ZDHHC14: variants seen among roughly 807,000 people sequenced by gnomAD.
ZDHHC14 encodes the protein palmitoyltransferase ZDHHC14.
ZDHHC14 carries 16 observed loss-of-function variants against 47.7 expected under a neutral mutation model. The observed-to-expected ratio is 0.34, with a 90% CI of 0.23 to 0.51. The LOEUF (loss-of-function observed/expected upper bound fraction) is 0.51, where lower values mean the gene tolerates loss of function less well. ZDHHC14 is among the 20% of genes least tolerant of loss of function. ZDHHC14 has a pLI of 0.97. For missense variants in ZDHHC14, 515 were observed against 662.5 expected, an observed-to-expected ratio of 0.78 and a Z score of 2.44; for synonymous variants, 293 against 278.9, an observed-to-expected ratio of 1.05 and a Z score of -0.50.
Position 157,527,339 on chromosome 6 carries a change from G to A in ZDHHC14, c.246-15246G>A, listed in dbSNP as rs9457698. The stretch of plus-strand genomic sequence containing the variant: ...AGGCTGCATTCTCAGCTCATGTGGC[G>A]AACAGGAATAGTTGATATTCCTTTG... On this transcript the variant is annotated intron_variant, in intron 1 of 8. Transcript: ENST00000359775. Among the ~76,000 whole-genome samples the A allele has an allele frequency of 6.1e-3, 932 of 152,266 alleles. 9 individuals carry two copies. The highest frequency in any genetic ancestry group is 0.021 in the African/African-American group (888 of 41,554).
At chr6:157,536,767 ATATC>A (rs1242681340) in intron 1 of ZDHHC14, among the ~76,000 whole-genome samples, 2 of 149,780 alleles carry the variant, frequency 1.3e-5, no homozygotes, top group African/African-American at 2.5e-5. Flanking sequence ...AAATGATTTT[ATATC>A]TATCTATCTG....
At chr6:157,485,827 A>G (rs1779764648) in intron 1 of ZDHHC14, among the ~76,000 whole-genome samples, 1 of 152,134 alleles carries the variant, frequency 6.6e-6, no homozygotes, top group Admixed American at 6.5e-5. Context: ...CCTGGCCAAC[A>G]TGGTGAAACT....
At chr6:157,520,202 G>A (rs904489974) in intron 1 of ZDHHC14, among the ~76,000 whole-genome samples, 11 of 152,144 alleles carry the variant, frequency 7.2e-5, no homozygotes, top group African/African-American at 2.2e-4. Flanking sequence ...TCCCCAACCT[G>A]ACTGCAGGGG....
chr6:157,435,372 G>A (rs745628308), intron 1 of ZDHHC14, among the ~76,000 whole-genome samples: 1 of 152,226 alleles, frequency 6.6e-6, no homozygotes, highest in Non-Finnish European at 1.5e-5. Flanking sequence ...GGGAGGGAAG[G>A]AGGGACTGCA....
At chr6:157,470,253 G>A (rs1779322937) in intron 1 of ZDHHC14, among the ~76,000 whole-genome samples, 1 of 152,204 alleles carries the variant, frequency 6.6e-6, no homozygotes, top group African/African-American at 2.4e-5. Context: ...TGAAAGACCA[G>A]AAGGAACCAA....
chr6:157,518,307 G>C (rs1780774957), intron 1 of ZDHHC14, among the ~76,000 whole-genome samples: 2 of 150,120 alleles, frequency 1.3e-5, no homozygotes, highest in African/African-American at 4.9e-5. Flanking sequence ...GGTGGTCCCT[G>C]TTGGGCAGTA....
chr6:157,440,188 A>G (rs1778534801), intron 1 of ZDHHC14, among the ~76,000 whole-genome samples: 1 of 151,420 alleles, frequency 6.6e-6, no homozygotes, highest in African/African-American at 2.4e-5. Flanking sequence ...TAATAATAAT[A>G]ATAAAGAACA....
intron 3 of ZDHHC14, among the ~76,000 whole-genome samples, chr6:157,605,423 A>G (rs1784500983): frequency 6.6e-6 from 1 of 152,166 alleles, no homozygotes; most frequent in Non-Finnish European, 1.5e-5. Context: ...GAGCTCTTCC[A>G]TTTTCATAAT....
chr6:157,546,268 T>C (rs763828333), intron 2 of ZDHHC14, among the ~76,000 whole-genome samples: 2 of 152,220 alleles, frequency 1.3e-5, no homozygotes, highest in Non-Finnish European at 2.9e-5. Flanking sequence ...TCTTAACACA[T>C]TTATGTTGTG....
chr6:157,399,415 T>C (rs1777586013), intron 1 of ZDHHC14, among the ~76,000 whole-genome samples: 1 of 152,216 alleles, frequency 6.6e-6, no homozygotes, highest in African/African-American at 2.4e-5. Context: ...TAAAAGTGTG[T>C]GCCTCATCTG....
At chr6:157,584,860 A>C (rs915173392) in intron 2 of ZDHHC14, among the ~76,000 whole-genome samples, 2 of 152,152 alleles carry the variant, frequency 1.3e-5, no homozygotes, top group Non-Finnish European at 2.9e-5. Context: ...GAAGGAAGAG[A>C]CCATTTTACA....
chr6:157,623,592 T>G (rs1785282628), intron 3 of ZDHHC14, among the ~76,000 whole-genome samples: 1 of 150,074 alleles, frequency 6.7e-6, no homozygotes, highest in Non-Finnish European at 1.5e-5. Context: ...GCTCAGGCTT[T>G]AGTGCAGTGG....
chr6:157,405,024 G>C (rs1777713513), intron 1 of ZDHHC14, among the ~76,000 whole-genome samples: 1 of 152,222 alleles, frequency 6.6e-6, no homozygotes, highest in Non-Finnish European at 1.5e-5. Context: ...GATGCCTTCA[G>C]AAGTGGTGGA....
chr6:157,649,460 C>T (rs1216152922), intron 7 of ZDHHC14, among the ~76,000 whole-genome samples: 3 of 152,228 alleles, frequency 2.0e-5, no homozygotes, highest in South Asian at 2.1e-4. Context: ...TTGCCCCTCC[C>T]TCTCGTCCCC....
chr6:157,539,726 C>A (rs1322563813), intron 1 of ZDHHC14, among the ~76,000 whole-genome samples: 1 of 152,204 alleles, frequency 6.6e-6, no homozygotes, highest in African/African-American at 2.4e-5. Context: ...AGGCTCTTTC[C>A]TGCCTCCCTC....
chr6:157,460,987 C>T (rs949666582), intron 1 of ZDHHC14, among the ~76,000 whole-genome samples: 3 of 152,184 alleles, frequency 2.0e-5, no homozygotes, highest in Non-Finnish European at 4.4e-5. Context: ...TGCATGTGCT[C>T]GAGAAGGCTT....
intron 1 of ZDHHC14, among the ~76,000 whole-genome samples, chr6:157,469,832 A>G (rs547593078): frequency 6.6e-6 from 1 of 152,324 alleles, no homozygotes; most frequent in South Asian, 2.1e-4. Flanking sequence ...AGCCGGAAAG[A>G]TTTGGCAAAC....
At chr6:157,581,186 G>A (rs1783506424) in intron 2 of ZDHHC14, among the ~76,000 whole-genome samples, 1 of 111,228 alleles carries the variant, frequency 9.0e-6, no homozygotes, top group Non-Finnish European at 1.8e-5. Context: ...TTACCCCAAA[G>A]TCATTCAGGA....
At chr6:157,465,854 C>T (rs376521212) in intron 1 of ZDHHC14, among the ~76,000 whole-genome samples, 3 of 152,130 alleles carry the variant, frequency 2.0e-5, no homozygotes, top group Admixed American at 6.5e-5. Context: ...TCAGCCTGGC[C>T]CACACGGCGA....
Sources: allele counts gnomAD v4.1 joint callset (sites outside exome capture counted in the v4.1 genomes callset), GRCh38; gene constraint gnomAD v4.1.1; transcripts MANE v1.5; gene names NCBI Gene and HGNC (gene_info 2026-07-23, HGNC 2026-07-21).